The following TRPC5 variants were observed in gnomAD, a reference collection of about 807,000 sequenced individuals.
TRPC5 encodes short transient receptor potential channel 5.
Under a neutral mutation model 56.5 loss-of-function variants are expected in TRPC5, and 9 were observed. The observed-to-expected ratio is 0.16, with a 90% CI of 0.10 to 0.28. The LOEUF (loss-of-function observed/expected upper bound fraction) is 0.28, where lower values mean the gene tolerates loss of function less well. Among genes scored for constraint, TRPC5 ranks in the 10% least tolerant of loss-of-function variants. TRPC5 has a pLI of 1.00. For missense variants in TRPC5, 469 were observed against 748.9 expected (o/e 0.63, Z 4.36); for synonymous variants, 282 against 278.5 (o/e 1.01, Z -0.13).
intron 3 of TRPC5, among the ~76,000 whole-genome samples, chrX:111,864,993 G>C (rs1425848281): frequency 9.0e-6 from 1 of 111,002 alleles, no homozygotes; most frequent in Non-Finnish European, 1.9e-5. Flanking sequence ...GAATATAGCA[G>C]CTTCTTCTTT....
At chrX:112,048,987 C>A (rs16986760) in intron 1 of TRPC5, among the ~76,000 whole-genome samples, 4,355 of 111,948 alleles carry the variant, frequency 0.039, 196 homozygotes, top group African/African-American at 0.12. Context: ...TTCTGCCTTC[C>A]ATCTTGGTTC....
At chrX:112,064,181 A>G (rs775038670) in intron 1 of TRPC5, among the ~76,000 whole-genome samples, 3 of 111,821 alleles carry the variant, frequency 2.7e-5, no homozygotes, top group Non-Finnish European at 3.8e-5. Flanking sequence ...AAATTATAAT[A>G]TATCTTGCTT....
chrX:111,939,950 G>A (rs926279373), intron 2 of TRPC5, among the ~76,000 whole-genome samples: 1 of 110,800 alleles, frequency 9.0e-6, no homozygotes, highest in Non-Finnish European at 1.9e-5. Context: ...TCTTGCTTTG[G>A]TAGTTCATTA....
At chrX:111,992,985 T>C (rs928015431) in intron 1 of TRPC5, among the ~76,000 whole-genome samples, 1 of 110,672 alleles carries the variant, frequency 9.0e-6, no homozygotes. Context: ...ATGTGCCATG[T>C]TGGTTTGCTG....
At chrX:111,809,281 A>G (rs1233966557) in intron 7 of TRPC5, among the ~76,000 whole-genome samples, 1 of 111,356 alleles carries the variant, frequency 9.0e-6, no homozygotes, top group African/African-American at 3.3e-5. Context: ...TTAGAACCCC[A>G]GAGCACTTTG....
chrX:111,912,870 A>G, intron 2 of TRPC5, 58 bp from the exon 3 acceptor site: 1 of 1,103,062 alleles, frequency 9.1e-7, no homozygotes, highest in Non-Finnish European at 1.2e-6. Context: ...AGAGAGAAGC[A>G]TAGGGCCTAT....
intron 7 of TRPC5, among the ~76,000 whole-genome samples, chrX:111,804,511 G>A (rs1413364525): frequency 1.8e-5 from 2 of 111,401 alleles, no homozygotes; most frequent in Non-Finnish European, 3.8e-5. Context: ...ATTTGTTTGT[G>A]TCCTCTTTTA....
intron 2 of TRPC5, among the ~76,000 whole-genome samples, chrX:111,943,066 T>C (rs1207494523): frequency 2.7e-5 from 3 of 111,769 alleles, no homozygotes; most frequent in African/African-American, 9.8e-5. Flanking sequence ...CTCTTCTGAG[T>C]AATATGCATG....
At chrX:111,895,742 C>T (rs911827314) in intron 3 of TRPC5, among the ~76,000 whole-genome samples, 1 of 111,384 alleles carries the variant, frequency 9.0e-6, no homozygotes, top group African/African-American at 3.3e-5. Flanking sequence ...CAGTACTACG[C>T]TGTCTTAATT....
chrX:111,934,229 TTTTTGTTTTG>T (rs1169271857), intron 2 of TRPC5, among the ~76,000 whole-genome samples: 1 of 109,943 alleles, frequency 9.1e-6, no homozygotes, highest in East Asian at 2.8e-4. Flanking sequence ...CTCCTTCGTT[TTTTTGTTTTG>T]TTTTGTTTTG....
chrX:111,903,059 C>T (rs1338163907), intron 3 of TRPC5: 1 of 111,817 alleles, frequency 8.9e-6, no homozygotes, highest in Non-Finnish European at 1.9e-5. Context: ...GATGCTACAA[C>T]CCCATAATAT....
At chrX:111,803,273 C>A (rs1218857497) in intron 7 of TRPC5, among the ~76,000 whole-genome samples, 1 of 111,210 alleles carries the variant, frequency 9.0e-6, no homozygotes, top group African/African-American at 3.3e-5. Flanking sequence ...TATTGATGGA[C>A]ATTTGCTATT....
At chrX:111,905,914 CA>C (rs1202912083) in intron 3 of TRPC5, among the ~76,000 whole-genome samples, 89 of 37,002 alleles carry the variant, frequency 2.4e-3, no homozygotes, top group Middle Eastern at 0.034. Context: ...GTCTCTGTCT[CA>C]AAAAAAAAAA....
At chrX:111,789,374 G>A (rs1270149835) in intron 7 of TRPC5, among the ~76,000 whole-genome samples, 1 of 111,973 alleles carries the variant, frequency 8.9e-6, no homozygotes, top group African/African-American at 3.3e-5. Context: ...GTAGAAAGCT[G>A]AAACTGGATC....
At position 111,776,546 on chromosome X, in the gene TRPC5, T is replaced by G; in HGVS notation, c.2689A>C (p.Ser897Arg). ...TCTACCTCACTGAGGTTAATTTCAC[T>G]TTGAGAACAGGCCTCTGCTTTCCCT... ...EKGKAEACSQ[S>R]EINLSEVELG... Residue 897 changes from serine to arginine, a missense_variant, in exon 11 of 11, where the codon AGT becomes CGT. Ser to Arg is a moderately radical substitution (Grantham distance 110, BLOSUM62 -1). This residue lies in a region of TRPC5 where 194 missense variants were observed against 221.8 expected (regional missense o/e 0.87). Transcript: ENST00000262839. The G allele has an allele frequency of 8.3e-7, 1 of 1,211,815 alleles. No individual in the cohort carries two copies. The highest frequency in any genetic ancestry group is 1.1e-6 in the Non-Finnish European group (1 of 895,482).
chrX:111,871,908 G>T lies in TRPC5; in HGVS notation c.901-17802C>A, dbSNP rs1336346822. 1.7e-4 allele frequency among the ~76,000 whole-genome samples: 19 copies of T among 111,812 alleles called. No homozygotes were observed. The Admixed American group carries it at 1.8e-3, about 11-fold the overall frequency. On this transcript the variant is annotated intron_variant, in intron 3 of 10. Coordinates refer to ENST00000262839, the MANE Select transcript of TRPC5 (RefSeq NM_012471.3). Reference sequence around the variant, plus strand: ...TAATCCCTTATGAATGGCTGTTCTTGCAGGAGTGAGTTCTCATTCCTGTAA... The same window carrying T: ...TAATCCCTTATGAATGGCTGTTCTTTCAGGAGTGAGTTCTCATTCCTGTAA...
At chrX:112,053,100 G>T (rs1383971375) in intron 1 of TRPC5, among the ~76,000 whole-genome samples, 2 of 111,768 alleles carry the variant, frequency 1.8e-5, no homozygotes, top group African/African-American at 3.3e-5. Context: ...AAATCAGATG[G>T]AAATATTTGA....
At chrX:112,028,602 A>C (rs145742510) in intron 1 of TRPC5, among the ~76,000 whole-genome samples, 2,680 of 111,978 alleles carry the variant, frequency 0.024, 89 homozygotes, top group African/African-American at 0.082. Flanking sequence ...AAAGGACATG[A>C]ACTCATCATT....
chrX:111,817,935 A>G (rs1204637822), intron 7 of TRPC5, among the ~76,000 whole-genome samples: 1 of 111,435 alleles, frequency 9.0e-6, no homozygotes, highest in Non-Finnish European at 1.9e-5. Context: ...ACCCCACTTC[A>G]CATCAGAAGT....
Sources: gnomAD v4.1 joint callset for allele counts (sites outside exome capture counted in the v4.1 genomes callset) on GRCh38, gnomAD v4.1.1 for gene constraint, gnomAD v4.1.1 regional missense constraint, MANE v1.5 for transcripts, NCBI Gene and HGNC (gene_info 2026-07-23, HGNC 2026-07-21) for gene names.